The following NFIA variants were observed in gnomAD, a reference collection of about 807,000 sequenced individuals.
NFIA encodes the protein nuclear factor I A.
Under a neutral mutation model 62.8 loss-of-function variants are expected in NFIA, and 8 were observed. The ratio of observed to expected loss-of-function variants is 0.13; its 90% CI spans 0.07 to 0.23. NFIA has a LOEUF of 0.23. Among genes scored for constraint, NFIA ranks in the 10% least tolerant of loss-of-function variants. NFIA has a pLI of 1.00. For synonymous variants in NFIA, 235 were observed against 238.1 expected (o/e 0.99, Z 0.12); for missense variants, 410 against 642.1 (o/e 0.64, Z 3.91).
At chr1:61,116,641 A>C (rs1557576764) in intron 2 of NFIA, among the ~76,000 whole-genome samples, 1 of 152,224 alleles carries the variant, frequency 6.6e-6, no homozygotes, top group Non-Finnish European at 1.5e-5. Flanking sequence ...CCGTATAGTC[A>C]TCAGACTCTA....
chr1:61,411,795 T>C (rs1017631001), intron 9 of NFIA, among the ~76,000 whole-genome samples: 1 of 151,364 alleles, frequency 6.6e-6, no homozygotes, highest in Non-Finnish European at 1.5e-5. Context: ...TTGAACAAAG[T>C]CTGGACAAAG....
At chr1:61,229,863 A>G (rs1654563988) in intron 2 of NFIA, among the ~76,000 whole-genome samples, 1 of 152,230 alleles carries the variant, frequency 6.6e-6, no homozygotes, top group African/African-American at 2.4e-5. Context: ...TTAACAGGAT[A>G]AAATTATCTA....
intron 9 of NFIA, among the ~76,000 whole-genome samples, chr1:61,416,877 T>C (rs1666371793): frequency 6.6e-6 from 1 of 152,140 alleles, no homozygotes; most frequent in Non-Finnish European, 1.5e-5. Flanking sequence ...AGGTGTAATA[T>C]CATGCAGCTT....
chr1:61,352,488 T>G lies in NFIA; in HGVS notation c.739T>G (p.Ser247Ala). 1 of 1,614,010 alleles carries G rather than the reference T, an allele frequency of 6.2e-7. No individual in the cohort carries two copies. The highest frequency in any genetic ancestry group is 1.1e-5 in the South Asian group (1 of 91,072). ...AAGTGPNFSL[S>A]DLESSSYYSM... The stretch of plus-strand genomic sequence containing the variant: ...AGGAACTGGCCCAAATTTTTCTCTC[T>G]CAGATTTGGAAAGTTCTTCATACTA... The change falls in exon 5 of 11, where the codon TCA becomes GCA. Residue 247 changes from serine to alanine, a missense_variant. Ser to Ala is a moderately conservative substitution (Grantham distance 99). Coordinates refer to ENST00000403491, the MANE Select transcript of NFIA (RefSeq NM_001134673.4).
At chr1:61,263,468 C>T (rs535944974) in intron 2 of NFIA, among the ~76,000 whole-genome samples, 17 of 152,122 alleles carry the variant, frequency 1.1e-4, no homozygotes, top group Admixed American at 4.6e-4. Context: ...TACACACAGG[C>T]GCCCCAGCCT....
At chr1:61,345,465 T>C (rs917575800) in intron 4 of NFIA, among the ~76,000 whole-genome samples, 3 of 152,186 alleles carry the variant, frequency 2.0e-5, no homozygotes, top group Non-Finnish European at 4.4e-5. Flanking sequence ...ATTTAACCTC[T>C]TTGTGCCTCA....
intron 2 of NFIA, among the ~76,000 whole-genome samples, chr1:61,187,131 A>G (rs995430078): frequency 6.6e-6 from 1 of 152,236 alleles, no homozygotes; most frequent in Admixed American, 6.5e-5. Context: ...ATTAAATGAG[A>G]TAATTCAGGT....
At chr1:61,437,206 A>G (rs1161764842) in intron 10 of NFIA, among the ~76,000 whole-genome samples, 1 of 152,200 alleles carries the variant, frequency 6.6e-6, no homozygotes, top group African/African-American at 2.4e-5. Flanking sequence ...GCCAGCCCTC[A>G]TGACATACAG....
intron 2 of NFIA, among the ~76,000 whole-genome samples, chr1:61,143,728 A>C (rs201168865): frequency 6.6e-6 from 1 of 152,162 alleles, no homozygotes; most frequent in East Asian, 1.9e-4. Flanking sequence ...TTTGGAACCT[A>C]TCCCAGGACA....
intron 10 of NFIA, among the ~76,000 whole-genome samples, chr1:61,446,336 A>G (rs1338251644): frequency 6.6e-6 from 1 of 152,176 alleles, no homozygotes; most frequent in African/African-American, 2.4e-5. Context: ...TGTGGTTTGC[A>G]GCTCAAGGCC....
At chr1:61,353,346 C>G (rs1557726695) in intron 5 of NFIA, among the ~76,000 whole-genome samples, 1 of 152,128 alleles carries the variant, frequency 6.6e-6, no homozygotes, top group Non-Finnish European at 1.5e-5. Flanking sequence ...TTCTTGCTCC[C>G]TTTAACGTCA....
intron 3 of NFIA, among the ~76,000 whole-genome samples, chr1:61,282,225 C>A (rs1458575002): frequency 6.6e-6 from 1 of 151,922 alleles, no homozygotes; most frequent in Non-Finnish European, 1.5e-5. Flanking sequence ...TGAAACATCA[C>A]CATTTCAGTT....
intron 2 of NFIA, among the ~76,000 whole-genome samples, chr1:61,135,557 A>G (rs777237332): frequency 6.6e-6 from 1 of 152,172 alleles, no homozygotes; most frequent in Non-Finnish European, 1.5e-5. Context: ...GGCATGTGCC[A>G]TCACACCTGG....
At chr1:61,143,169 A>G (rs1022630378) in intron 2 of NFIA, among the ~76,000 whole-genome samples, 1 of 152,162 alleles carries the variant, frequency 6.6e-6, no homozygotes, top group Admixed American at 6.5e-5. Context: ...TTTTTAACCT[A>G]TTAGTCAGCG....
intron 10 of NFIA, among the ~76,000 whole-genome samples, chr1:61,441,308 T>C (rs1471293010): frequency 6.7e-6 from 1 of 148,262 alleles, no homozygotes; most frequent in African/African-American, 2.6e-5. Flanking sequence ...TGTGTGTGTG[T>C]GTGTGTGTGT....
intron 3 of NFIA, among the ~76,000 whole-genome samples, chr1:61,281,891 G>C (rs1370037975): frequency 6.6e-6 from 1 of 152,236 alleles, no homozygotes; most frequent in Admixed American, 6.5e-5. Flanking sequence ...TTTGCTTAAT[G>C]AATAAAATTA....
intron 7 of NFIA, among the ~76,000 whole-genome samples, chr1:61,391,392 C>G (rs1223202817): frequency 6.6e-6 from 1 of 150,542 alleles, no homozygotes; most frequent in African/African-American, 2.4e-5. Context: ...TTAAGACATA[C>G]AAAATGCGAA....
intron 2 of NFIA, among the ~76,000 whole-genome samples, chr1:61,102,110 G>A (rs1557565855): frequency 6.6e-6 from 1 of 152,186 alleles, no homozygotes; most frequent in Non-Finnish European, 1.5e-5. Context: ...AGCAGAAAAT[G>A]TGTTTGTAAC....
Position 61,458,716 on chromosome 1 carries a change from A to T in NFIA, c.*3396A>T, listed in dbSNP as rs1668412458. On this transcript the variant is annotated 3_prime_UTR_variant, in exon 11 of 11. Coordinates refer to ENST00000403491, the MANE Select transcript of NFIA (RefSeq NM_001134673.4). ...TTTTTTTTTTTTTTGTAAGTATTTA[A>T]ATACAATTATTTTTTTCTCTCAATG... 6.7e-6 allele frequency: 1 copy of T among 148,484 alleles called. No individual in the cohort carries two copies. The highest frequency in any genetic ancestry group is 1.5e-5 in the Non-Finnish European group (1 of 67,262). The allele number at this position is 148,484 out of a possible 1,614,324, so 9.2% of individuals were successfully genotyped here. A position where few individuals can be genotyped will look rare whatever the true frequency, so the allele number is the denominator to read the frequency against.
Sources: gnomAD v4.1 joint callset for allele counts (sites outside exome capture counted in the v4.1 genomes callset) on GRCh38, gnomAD v4.1.1 for gene constraint, MANE v1.5 for transcripts, NCBI Gene and HGNC (gene_info 2026-07-23, HGNC 2026-07-21) for gene names.